Variants in LRRC4C observed in about 807,000 individuals in gnomAD.
LRRC4C encodes the protein leucine rich repeat containing 4C, also known as leucine-rich repeat-containing protein 4C.
A neutral mutation model predicts 33.6 loss-of-function variants in LRRC4C; 5 were observed. That is an observed-to-expected ratio of 0.15 (90% CI 0.08 to 0.31). The LOEUF is 0.31. LRRC4C is among the 10% of genes least tolerant of loss of function. The pLI is 1.00. For synonymous variants in LRRC4C, 329 were observed against 302.0 expected, an observed-to-expected ratio of 1.09 and a Z score of -0.93; for missense variants, 560 against 796.7, an observed-to-expected ratio of 0.70 and a Z score of 3.58.
chr11:41,401,594 C>T (rs1400706100), intron 1 of LRRC4C, among the ~76,000 whole-genome samples: 1 of 151,666 alleles, frequency 6.6e-6, no homozygotes, highest in African/African-American at 2.4e-5. Flanking sequence ...TGGCAAAGGA[C>T]AATGGAAACA....
At chr11:40,628,501 A>AAAACG (rs1440548251) in intron 3 of LRRC4C, among the ~76,000 whole-genome samples, 2 of 152,102 alleles carry the variant, frequency 1.3e-5, no homozygotes, top group Non-Finnish European at 2.9e-5. Flanking sequence ...AAAACAAAAC[A>AAAACG]AAACAAAACC....
intron 4 of LRRC4C, among the ~76,000 whole-genome samples, chr11:40,304,929 T>G (rs1944955904): frequency 6.6e-6 from 1 of 152,154 alleles, no homozygotes; most frequent in African/African-American, 2.4e-5. Context: ...CATGTCCAGC[T>G]AATTTTTTGT....
chr11:40,465,891 A>C (rs186486931), intron 3 of LRRC4C, among the ~76,000 whole-genome samples: 7 of 152,176 alleles, frequency 4.6e-5, no homozygotes, highest in Admixed American at 4.6e-4. Context: ...TAAAAAATGG[A>C]ACTACCATTT....
chr11:41,176,073 A>G (rs978537810), intron 1 of LRRC4C, among the ~76,000 whole-genome samples: 6 of 152,154 alleles, frequency 3.9e-5, no homozygotes, highest in Admixed American at 1.3e-4. Flanking sequence ...ATCTTCGCCA[A>G]CTAAAACTAA....
At chr11:40,737,785 G>C (rs188411040) in intron 2 of LRRC4C, among the ~76,000 whole-genome samples, 1 of 152,068 alleles carries the variant, frequency 6.6e-6, no homozygotes, top group Non-Finnish European at 1.5e-5. Flanking sequence ...TGTGAAAATG[G>C]TCATACTGCC....
intron 3 of LRRC4C, among the ~76,000 whole-genome samples, chr11:40,589,980 A>G (rs1256980968): frequency 6.6e-6 from 1 of 151,498 alleles, no homozygotes; most frequent in Non-Finnish European, 1.5e-5. Context: ...CTCGAGGAGT[A>G]TCTTTGTAGC....
rs186127428 is a variant in LRRC4C at position 40,648,162 on chromosome 11, A to G, written c.-290T>C. 6.6e-6 allele frequency: 1 copy of G among 152,152 alleles called. No individual in the cohort carries two copies. The highest frequency in any genetic ancestry group is 1.5e-5 in the Non-Finnish European group (1 of 68,034). The allele number at this position is 152,152 out of a possible 1,614,324, so 9.4% of individuals were successfully genotyped here. A position where few individuals can be genotyped will look rare whatever the true frequency, so the allele number is the denominator to read the frequency against. Reference sequence around the variant, plus strand: ...CTTACCTGTAGCAAATTGTTCATGGACCCGTTTCTCTGTTTGCAAAACTGG... The same window carrying G: ...CTTACCTGTAGCAAATTGTTCATGGGCCCGTTTCTCTGTTTGCAAAACTGG... On this transcript the variant is annotated 5_prime_UTR_variant, in exon 3 of 7. Transcript: ENST00000528697.
chr11:40,745,223 G>T (rs987540777), intron 2 of LRRC4C, among the ~76,000 whole-genome samples: 2 of 152,096 alleles, frequency 1.3e-5, no homozygotes, highest in Non-Finnish European at 2.9e-5. Context: ...CTTCCATCGG[G>T]AAAATACTTT....
rs1003163149 is a variant in LRRC4C at position 40,192,987 on chromosome 11, G to A, written c.-96+48532C>T. On this transcript the variant is annotated intron_variant, in intron 5 of 6. Transcript: ENST00000528697. The stretch of plus-strand genomic sequence containing the variant: ...TATAGATAAAACTGCCATCTCCCTG[G>A]GACGGAGCACATGGGGGAAGGGGCA... Among the ~76,000 whole-genome samples, 2 of 152,152 alleles carry A rather than the reference G, an allele frequency of 1.3e-5. 1 individual carries two copies. Among genetic ancestry groups the A allele is most frequent in the Non-Finnish European group, 2.9e-5 (2 of 68,008 alleles).
At chr11:41,096,082 A>C (rs1425929404) in intron 1 of LRRC4C, among the ~76,000 whole-genome samples, 1 of 152,188 alleles carries the variant, frequency 6.6e-6, no homozygotes, top group Non-Finnish European at 1.5e-5. Flanking sequence ...AATAAGATAT[A>C]GTATTAACCT....
intron 1 of LRRC4C, among the ~76,000 whole-genome samples, chr11:41,290,024 A>G (rs1482592532): frequency 6.6e-6 from 1 of 152,178 alleles, no homozygotes; most frequent in Admixed American, 6.5e-5. Flanking sequence ...CCTTTCCTGT[A>G]GTAGTAGGTG....
chr11:40,930,159 C>T (rs763348036), intron 2 of LRRC4C, among the ~76,000 whole-genome samples: 16 of 152,136 alleles, frequency 1.1e-4, no homozygotes, highest in Non-Finnish European at 2.2e-4. Flanking sequence ...GGGGAGGAAG[C>T]TGTTCAGGTA....
intron 2 of LRRC4C, among the ~76,000 whole-genome samples, chr11:40,782,874 C>A (rs183835108): frequency 6.6e-6 from 1 of 151,660 alleles, no homozygotes; most frequent in Non-Finnish European, 1.5e-5. Flanking sequence ...GTGTATACAT[C>A]TACATACACA....
At chr11:41,109,591 T>C (rs1012629809) in intron 1 of LRRC4C, among the ~76,000 whole-genome samples, 1 of 152,108 alleles carries the variant, frequency 6.6e-6, no homozygotes, top group Non-Finnish European at 1.5e-5. Context: ...TCTCTAAATA[T>C]CTTTTATGTT....
chr11:41,221,301 A>C (rs553949275), intron 1 of LRRC4C, among the ~76,000 whole-genome samples: 2 of 152,264 alleles, frequency 1.3e-5, no homozygotes, highest in South Asian at 4.1e-4. Flanking sequence ...AAAAAAAAAA[A>C]ACCTCAATAT....
At chr11:40,136,565 C>G (rs1856995553) in intron 6 of LRRC4C, among the ~76,000 whole-genome samples, 1 of 152,016 alleles carries the variant, frequency 6.6e-6, no homozygotes, top group Non-Finnish European at 1.5e-5. Context: ...TGTGAGCCAC[C>G]ACGCCCGGCC....
At chr11:40,646,834 C>T (rs2088146) in intron 3 of LRRC4C, among the ~76,000 whole-genome samples, 23,323 of 152,182 alleles carry the variant, frequency 0.15, 1,844 homozygotes, top group Non-Finnish European at 0.18. Flanking sequence ...TCTCGATCTC[C>T]TGACCTCATG....
intron 1 of LRRC4C, among the ~76,000 whole-genome samples, chr11:41,369,773 A>C (rs1555159260): frequency 6.6e-6 from 1 of 152,174 alleles, no homozygotes; most frequent in Non-Finnish European, 1.5e-5. Flanking sequence ...AATGATGAGC[A>C]CCTGGAGAAA....
rs78434697 is a variant in LRRC4C, at chr11:40,484,649, C to T, written c.-270+163493G>A. ...TATGCTTTATCAAACTATTTAAATG[C>T]TTTAAAAAATTAAATCAAAACATAC... On this transcript the variant is annotated intron_variant, in intron 3 of 6. Coordinates refer to ENST00000528697, the MANE Select transcript of LRRC4C (RefSeq NM_001258419.2). Among the ~76,000 whole-genome samples the T allele has an allele frequency of 5.5e-3, 835 of 152,020 alleles. 22 individuals carry two copies. Among genetic ancestry groups the T allele is most frequent in the Admixed American group, 0.034 (518 of 15,252 alleles).
Sources: gnomAD v4.1 joint callset for allele counts (sites outside exome capture counted in the v4.1 genomes callset) on GRCh38, gnomAD v4.1.1 for gene constraint, MANE v1.5 for transcripts, NCBI Gene and HGNC (gene_info 2026-07-23, HGNC 2026-07-21) for gene names.